Variants in LAMA2 observed in about 807,000 individuals in gnomAD.
LAMA2 encodes the protein laminin subunit alpha 2.
In LAMA2, 269 loss-of-function variants were observed where a neutral mutation model predicts 364.8. That is an observed-to-expected ratio of 0.74 (90% CI 0.67 to 0.82). LAMA2 has a LOEUF of 0.82. LAMA2 is among the 40% of genes least tolerant of loss of function. The pLI, the probability that LAMA2 is intolerant of heterozygous loss-of-function variation, is 0.00. For missense variants in LAMA2, 3,807 were observed against 3,873.2 expected (o/e 0.98, Z 0.45); for synonymous variants, 1,379 against 1,370.6 (o/e 1.01, Z -0.14).
At chr6:129,066,089 A>G (rs1789315353) in intron 3 of LAMA2, among the ~76,000 whole-genome samples, 1 of 104,480 alleles carries the variant, frequency 9.6e-6, no homozygotes, top group Non-Finnish European at 1.9e-5. Flanking sequence ...TCTGTCGCCC[A>G]GGCTGGAGTG....
At chr6:129,089,531 C>CTTT (rs1774674549) in intron 3 of LAMA2, among the ~76,000 whole-genome samples, 1 of 152,252 alleles carries the variant, frequency 6.6e-6, no homozygotes, top group Non-Finnish European at 1.5e-5. Context: ...AAAGGACTGT[C>CTTT]ATGTTCCATG....
intron 31 of LAMA2, among the ~76,000 whole-genome samples, chr6:129,352,813 T>A (rs920838424): frequency 6.6e-6 from 1 of 152,154 alleles, no homozygotes; most frequent in African/African-American, 2.4e-5. Flanking sequence ...CACTAAGTTA[T>A]AACCCAAATG....
chr6:129,133,171 G>A (rs145044739), intron 4 of LAMA2, among the ~76,000 whole-genome samples: 5 of 152,154 alleles, frequency 3.3e-5, no homozygotes, highest in East Asian at 3.8e-4. Flanking sequence ...ATACAATTTT[G>A]TTCTGCAAAA....
chr6:128,936,108 C>A (rs1242435367), intron 1 of LAMA2, among the ~76,000 whole-genome samples: 1 of 152,242 alleles, frequency 6.6e-6, no homozygotes, highest in East Asian at 1.9e-4. Context: ...TTCCCCTTGG[C>A]CTTCTGCCAC....
intron 1 of LAMA2, among the ~76,000 whole-genome samples, chr6:129,018,493 T>C (rs115228004): frequency 2.0e-3 from 301 of 150,952 alleles, no homozygotes; most frequent in African/African-American, 7.0e-3. Flanking sequence ...AATAAATATG[T>C]AAGTACAAAA....
intron 4 of LAMA2, among the ~76,000 whole-genome samples, chr6:129,138,800 C>T (rs1777951336): frequency 6.6e-6 from 1 of 152,028 alleles, no homozygotes; most frequent in African/African-American, 2.4e-5. Flanking sequence ...TTAGTACAAA[C>T]TGAGCTTCAA....
intron 1 of LAMA2, among the ~76,000 whole-genome samples, chr6:128,887,016 C>A (rs189346743): frequency 6.6e-6 from 1 of 152,094 alleles, no homozygotes; most frequent in Non-Finnish European, 1.5e-5. Context: ...ATTTAAATTT[C>A]TGAATTCTTA....
intron 49 of LAMA2, 134 bp downstream of exon 49, chr6:129,460,458 C>T: frequency 1.1e-6 from 1 of 922,090 alleles, no homozygotes; most frequent in Non-Finnish European, 1.7e-6. Context: ...GGTGGAATTA[C>T]CACAAAACTA....
chr6:129,215,588 A>ATATT (rs960150934), intron 12 of LAMA2, among the ~76,000 whole-genome samples: 2 of 152,110 alleles, frequency 1.3e-5, no homozygotes, highest in Non-Finnish European at 2.9e-5. Context: ...AAATAAATAA[A>ATATT]TATTTATTTA....
intron 61 of LAMA2, 141 bp downstream of exon 61, chr6:129,505,496 T>A (rs984525299): frequency 1.4e-6 from 1 of 707,790 alleles, no homozygotes; most frequent in Non-Finnish European, 2.5e-6. Context: ...GACAGAAGGG[T>A]TTGTTGTTTA....
chr6:129,158,377 G>A (rs3734387), intron 8 of LAMA2: 373,804 of 1,613,362 alleles, frequency 0.23, 53,085 homozygotes, highest in African/African-American at 0.71. Flanking sequence ...TTGCCCATCC[G>A]TACTTCTCCA....
At position 129,306,872 on chromosome 6, in the gene LAMA2, G is replaced by A. The variant is rs1047598548; in HGVS notation, c.3175-5989G>A. Among the ~76,000 whole-genome samples the A allele has an allele frequency of 1.1e-4, 16 of 151,658 alleles. 1 individual carries two copies. The highest frequency in any genetic ancestry group is 2.0e-4 in the Admixed American group (3 of 15,246). Reference sequence around the variant, plus strand: ...TTTCATTTATTCTTGAAAATATAATGTTTATAAACATTAGCATTTTTAAAA... The same window carrying A: ...TTTCATTTATTCTTGAAAATATAATATTTATAAACATTAGCATTTTTAAAA... On this transcript the variant is annotated intron_variant, in intron 22 of 64. Coordinates refer to ENST00000421865, the MANE Select transcript of LAMA2 (RefSeq NM_000426.4).
chr6:128,899,142 A>G (rs1776936373), intron 1 of LAMA2, among the ~76,000 whole-genome samples: 1 of 152,196 alleles, frequency 6.6e-6, no homozygotes, highest in East Asian at 1.9e-4. Flanking sequence ...AAATTTTGTT[A>G]TAAAATGGCC....
At chr6:129,492,164 C>A in intron 57 of LAMA2, 87 bp downstream of exon 57, 1 of 1,411,660 alleles carries the variant, frequency 7.1e-7, no homozygotes, top group Non-Finnish European at 1.0e-6. Context: ...TTGTCTACAG[C>A]TATGCAGGGG....
intron 52 of LAMA2, among the ~76,000 whole-genome samples, chr6:129,473,924 C>CA (rs1218098071): frequency 3.3e-5 from 5 of 151,626 alleles, no homozygotes; most frequent in Admixed American, 3.3e-4. Flanking sequence ...TTAGTTAGTT[C>CA]AAAAAATAAA....
At chr6:128,899,555 C>A (rs1234357032) in intron 1 of LAMA2, among the ~76,000 whole-genome samples, 1 of 152,168 alleles carries the variant, frequency 6.6e-6, no homozygotes, top group Middle Eastern at 3.2e-3. Context: ...AGAAGCAGCT[C>A]TTTTTGGACA....
Position 129,236,390 on chromosome 6 carries a change from G to A in LAMA2, c.1783-13722G>A, listed in dbSNP as rs144256778. Among the ~76,000 whole-genome samples, 1,040 of 152,168 alleles carry A rather than the reference G, an allele frequency of 6.8e-3. 10 individuals are homozygous for A. The highest frequency in any genetic ancestry group is 0.024 in the African/African-American group (997 of 41,512). On this transcript the variant is annotated intron_variant, in intron 12 of 64. Transcript: ENST00000421865. Reference sequence around the variant, plus strand: ...GAAACATCTGGTTTCGGCAGTGCTGGCTAATGCTCAGAACTCCCTTCCCTT... The same window carrying A: ...GAAACATCTGGTTTCGGCAGTGCTGACTAATGCTCAGAACTCCCTTCCCTT...
chr6:129,469,479 A>C (rs1783702646), intron 51 of LAMA2, among the ~76,000 whole-genome samples: 1 of 151,866 alleles, frequency 6.6e-6, no homozygotes, highest in East Asian at 1.9e-4. Context: ...AGACACTGGA[A>C]CTCATACACT....
intron 1 of LAMA2, among the ~76,000 whole-genome samples, chr6:128,972,778 C>T (rs1782266268): frequency 6.6e-6 from 1 of 151,956 alleles, no homozygotes; most frequent in African/African-American, 2.4e-5. Context: ...GTTAGAGCAT[C>T]CATAAAACTC....
Sources: allele counts gnomAD v4.1 joint callset (sites outside exome capture counted in the v4.1 genomes callset), GRCh38; gene constraint gnomAD v4.1.1; transcripts MANE v1.5; gene names NCBI Gene and HGNC (gene_info 2026-07-23, HGNC 2026-07-21).